The following SDK1 variants were observed in gnomAD, a reference collection of about 807,000 sequenced individuals.
The protein encoded by SDK1 is protein sidekick-1.
SDK1 carries 157 observed loss-of-function variants against 245.5 expected under a neutral mutation model. That is an observed-to-expected ratio of 0.64 (90% confidence interval 0.56 to 0.73). The LOEUF is 0.73. SDK1 is among the 30% of genes least tolerant of loss of function. The pLI, the probability that SDK1 is intolerant of heterozygous loss-of-function variation, is 0.00. For synonymous variants in SDK1, 1,647 were observed against 1,278.5 expected, an observed-to-expected ratio of 1.29 and a Z score of -6.15; for missense variants, 3,583 against 3,002.3, an observed-to-expected ratio of 1.19 and a Z score of -4.52.
At chr7:3,601,198 C>T (rs867704949) in intron 1 of SDK1, among the ~76,000 whole-genome samples, 4 of 151,998 alleles carry the variant, frequency 2.6e-5, no homozygotes, top group Admixed American at 2.0e-4. Context: ...TTGTATTTGT[C>T]AAGATTTTAT....
chr7:4,190,897 C>T (rs990673465), intron 35 of SDK1, among the ~76,000 whole-genome samples: 3 of 152,130 alleles, frequency 2.0e-5, no homozygotes, highest in Non-Finnish European at 4.4e-5. Context: ...AATGCTGGGC[C>T]GGAGGGTGGA....
At chr7:3,509,990 C>T (rs1338094452) in intron 1 of SDK1, among the ~76,000 whole-genome samples, 1 of 152,114 alleles carries the variant, frequency 6.6e-6, no homozygotes, top group African/African-American at 2.4e-5. Context: ...GGGTGGGGGC[C>T]AAGGACTTTC....
intron 1 of SDK1, among the ~76,000 whole-genome samples, chr7:3,595,670 C>T (rs577123032): frequency 6.6e-6 from 1 of 151,600 alleles, no homozygotes; most frequent in South Asian, 2.2e-4. Flanking sequence ...CTGCCACTTC[C>T]TGCGTGACTT....
At chr7:3,729,994 A>ATATATATG (rs1188487739) in intron 4 of SDK1, among the ~76,000 whole-genome samples, 1 of 152,074 alleles carries the variant, frequency 6.6e-6, no homozygotes, top group African/African-American at 2.4e-5. Context: ...ACAGTAGTAC[A>ATATATATG]TATATATGTA....
intron 4 of SDK1, among the ~76,000 whole-genome samples, chr7:3,751,683 A>C (rs1779775914): frequency 6.6e-6 from 1 of 152,194 alleles, no homozygotes; most frequent in Non-Finnish European, 1.5e-5. Flanking sequence ...TGCAGTACCG[A>C]GCTCTGTGAT....
intron 5 of SDK1, among the ~76,000 whole-genome samples, chr7:3,881,421 AACG>A (rs1328589593): frequency 1.3e-5 from 2 of 152,308 alleles, no homozygotes; most frequent in African/African-American, 2.4e-5. Flanking sequence ...CGTCCCTGCA[AACG>A]ACAAGATTTC....
At chr7:3,655,822 G>C (rs887211041) in intron 4 of SDK1, among the ~76,000 whole-genome samples, 1 of 151,990 alleles carries the variant, frequency 6.6e-6, no homozygotes, top group African/African-American at 2.4e-5. Flanking sequence ...TCCCGGCCCT[G>C]CCACGTGGTC....
At chr7:4,118,535 G>A (rs534921200) in intron 25 of SDK1, among the ~76,000 whole-genome samples, 1 of 152,314 alleles carries the variant, frequency 6.6e-6, no homozygotes, top group East Asian at 1.9e-4. Context: ...TCAGGAGGTT[G>A]AGCAGGGAGT....
At chr7:4,090,302 T>C (rs1781702876) in intron 22 of SDK1, among the ~76,000 whole-genome samples, 1 of 152,222 alleles carries the variant, frequency 6.6e-6, no homozygotes, top group African/African-American at 2.4e-5. Flanking sequence ...CATCCATTAA[T>C]ATTTCTTGCT....
intron 1 of SDK1, among the ~76,000 whole-genome samples, chr7:3,422,812 C>T (rs903561872): frequency 1.3e-5 from 2 of 152,234 alleles, no homozygotes; most frequent in Admixed American, 6.5e-5. Context: ...CTGTTAATTC[C>T]TGGGAAAAAT....
intron 1 of SDK1, among the ~76,000 whole-genome samples, chr7:3,303,589 ATTCC>A: frequency 6.6e-6 from 1 of 151,292 alleles, no homozygotes. Context: ...GGAATATTTT[ATTCC>A]TTTTTGGCAG....
Position 3,548,127 on chromosome 7 carries a change from G to A in SDK1, c.299-70953G>A, listed in dbSNP as rs57785562. Among the ~76,000 whole-genome samples the A allele has an allele frequency of 5.3e-3, 808 of 152,184 alleles. 5 individuals are homozygous for A. Among genetic ancestry groups the A allele is most frequent in the African/African-American group, 0.019 (777 of 41,518 alleles). On this transcript the variant is annotated intron_variant, in intron 1 of 44. Coordinates refer to ENST00000404826, the MANE Select transcript of SDK1 (RefSeq NM_152744.4). ...CTATAAGTTTCCCACAATTAAATCA[G>A]TATGAATAGTTGTTGAAATGCATCA...
At chr7:3,332,329 T>G (rs4416733) in intron 1 of SDK1, among the ~76,000 whole-genome samples, 58,161 of 152,022 alleles carry the variant, frequency 0.38, 11,260 homozygotes, top group African/African-American at 0.45. Context: ...GGCTCCATCC[T>G]TTAATGTCAG....
intron 41 of SDK1, among the ~76,000 whole-genome samples, chr7:4,235,552 C>T (rs1270869307): frequency 6.6e-6 from 1 of 152,168 alleles, no homozygotes; most frequent in East Asian, 1.9e-4. Flanking sequence ...TAAATGTACC[C>T]CAAAGTATAG....
intron 4 of SDK1, among the ~76,000 whole-genome samples, chr7:3,719,691 T>C (rs779303473): frequency 3.3e-5 from 5 of 152,122 alleles, no homozygotes; most frequent in Non-Finnish European, 7.4e-5. Context: ...TTTAAAACTT[T>C]TAGGAGTCCG....
In SDK1 at chr7:3,962,856, G is replaced by A. The variant is rs1199417641; in HGVS notation, c.1429+5G>A. The A allele has an allele frequency of 6.2e-7, 1 of 1,607,164 alleles. No homozygotes were observed. The highest frequency in any genetic ancestry group is 8.5e-7 in the Non-Finnish European group (1 of 1,176,478). On this transcript the variant is annotated splice_donor_5th_base_variant and intron_variant, in intron 9 of 44. Transcript: ENST00000404826. ...ACACCTACCTGGATGTAACCAGTGA[G>A]TACACCCAGGCCCACAGCTACCTGA...
intron 5 of SDK1, among the ~76,000 whole-genome samples, chr7:3,949,297 C>T (rs959382668): frequency 2.0e-5 from 3 of 152,232 alleles, no homozygotes; most frequent in Non-Finnish European, 4.4e-5. Flanking sequence ...CTGTCTGCAT[C>T]AGGCTTCTGT....
chr7:3,675,936 T>G (rs1425285623), intron 4 of SDK1, among the ~76,000 whole-genome samples: 1 of 152,224 alleles, frequency 6.6e-6, no homozygotes, highest in Non-Finnish European at 1.5e-5. Flanking sequence ...ATGTTCTGAA[T>G]ATTAGACATT....
intron 4 of SDK1, among the ~76,000 whole-genome samples, chr7:3,777,782 A>G (rs1780609389): frequency 6.6e-6 from 1 of 152,228 alleles, no homozygotes. Flanking sequence ...CACACTGCAC[A>G]TGTATATATT....
Sources: allele counts gnomAD v4.1 joint callset (sites outside exome capture counted in the v4.1 genomes callset), GRCh38; gene constraint gnomAD v4.1.1; transcripts MANE v1.5; gene names NCBI Gene and HGNC (gene_info 2026-07-23, HGNC 2026-07-21).